DLGAP2: variants seen among roughly 807,000 people sequenced by gnomAD.
The protein encoded by DLGAP2 is DLG associated protein 2, also known as disks large-associated protein 2.
DLGAP2 carries 26 observed loss-of-function variants against 100.3 expected under a neutral mutation model. That is an observed-to-expected ratio of 0.26 (90% CI 0.19 to 0.36). The LOEUF (loss-of-function observed/expected upper bound fraction) is 0.36, where lower values mean the gene tolerates loss of function less well. Among genes scored for constraint, DLGAP2 ranks in the 10% least tolerant of loss-of-function variants. The pLI is 1.00. For synonymous variants in DLGAP2, 886 were observed against 630.1 expected, an observed-to-expected ratio of 1.41 and a Z score of -6.08; for missense variants, 1,858 against 1,453.2, an observed-to-expected ratio of 1.28 and a Z score of -4.53.
intron 3 of DLGAP2, among the ~76,000 whole-genome samples, chr8:1,407,092 C>G (rs1304018614): frequency 4.2e-5 from 1 of 24,068 alleles, no homozygotes; most frequent in Non-Finnish European, 6.9e-5. Context: ...ACTGAGCGCT[C>G]CCTCCTTGTC....
At chr8:1,123,376 T>C (rs1796093521) in intron 2 of DLGAP2, among the ~76,000 whole-genome samples, 1 of 152,188 alleles carries the variant, frequency 6.6e-6, no homozygotes, top group African/African-American at 2.4e-5. Flanking sequence ...ACCTGAGGCT[T>C]AGTAGGTACA....
chr8:1,280,216 C>T (rs1373715407), intron 3 of DLGAP2, among the ~76,000 whole-genome samples: 2 of 152,116 alleles, frequency 1.3e-5, no homozygotes, highest in African/African-American at 2.4e-5. Flanking sequence ...TCTTCATCAG[C>T]CAATTTGATT....
intron 4 of DLGAP2, among the ~76,000 whole-genome samples, chr8:1,508,935 G>C (rs949208037): frequency 1.3e-5 from 2 of 152,090 alleles, no homozygotes; most frequent in African/African-American, 4.8e-5. Flanking sequence ...GTTCTTTAGA[G>C]CACTGAGTTT....
At chr8:881,996 C>T (rs982754927) in intron 1 of DLGAP2, among the ~76,000 whole-genome samples, 1 of 152,122 alleles carries the variant, frequency 6.6e-6, no homozygotes, top group Admixed American at 6.6e-5. Context: ...TATATTCCAC[C>T]TTTCCAGAGG....
chr8:1,547,170 G>C (rs1801570795), intron 4 of DLGAP2, among the ~76,000 whole-genome samples: 2 of 152,290 alleles, frequency 1.3e-5, no homozygotes, highest in African/African-American at 2.4e-5. Context: ...GCGGACCGTG[G>C]GGCAGAGGGA....
chr8:1,093,704 A>G (rs1288136674), intron 2 of DLGAP2, among the ~76,000 whole-genome samples: 2 of 151,346 alleles, frequency 1.3e-5, no homozygotes, highest in East Asian at 2.0e-4. Context: ...ACTTCACACC[A>G]ACAGCCAGAA....
At chr8:1,255,177 C>T (rs1470177604) in intron 2 of DLGAP2, among the ~76,000 whole-genome samples, 1 of 94,008 alleles carries the variant, frequency 1.1e-5, no homozygotes, top group African/African-American at 5.2e-5. Flanking sequence ...GTGTGTGTGC[C>T]CTCTCATCCT....
chr8:1,221,601 C>T (rs541715648), intron 2 of DLGAP2, among the ~76,000 whole-genome samples: 1 of 152,198 alleles, frequency 6.6e-6, no homozygotes, highest in South Asian at 2.1e-4. Flanking sequence ...TATATTATCT[C>T]TCAGGGGTTC....
At chr8:908,579 T>TA (rs1480419952) in intron 2 of DLGAP2, among the ~76,000 whole-genome samples, 3 of 152,032 alleles carry the variant, frequency 2.0e-5, no homozygotes, top group African/African-American at 7.2e-5. Context: ...AAAGAAGGTC[T>TA]AAAAAAAACT....
At chr8:1,121,882 G>A (rs981386406) in intron 2 of DLGAP2, among the ~76,000 whole-genome samples, 5 of 152,162 alleles carry the variant, frequency 3.3e-5, no homozygotes, top group Non-Finnish European at 5.9e-5. Flanking sequence ...TGTTCCTTTA[G>A]CATCCATGAG....
chr8:1,186,280 CT>C (rs1563239044), intron 2 of DLGAP2, among the ~76,000 whole-genome samples: 1 of 152,246 alleles, frequency 6.6e-6, no homozygotes. Flanking sequence ...ATCTGCGAAC[CT>C]TGGGGGCAGA....
intron 3 of DLGAP2, among the ~76,000 whole-genome samples, chr8:1,306,213 C>T (rs1040165255): frequency 6.6e-5 from 10 of 152,032 alleles, no homozygotes; most frequent in African/African-American, 2.4e-4. Flanking sequence ...CACACACCTA[C>T]ACAAGGGTAT....
At chr8:1,214,213 TC>T (rs1365283706) in intron 2 of DLGAP2, among the ~76,000 whole-genome samples, 1 of 152,126 alleles carries the variant, frequency 6.6e-6, no homozygotes, top group African/African-American at 2.4e-5. Context: ...TCTTCAAGTC[TC>T]ATTTTAAATG....
At chr8:1,228,231 A>G (rs931168089) in intron 2 of DLGAP2, among the ~76,000 whole-genome samples, 6 of 152,168 alleles carry the variant, frequency 3.9e-5, no homozygotes, top group African/African-American at 1.2e-4. Flanking sequence ...GTATAATAAA[A>G]TAAAAATAAA....
At chr8:1,126,451 G>A (rs1053080053) in intron 2 of DLGAP2, among the ~76,000 whole-genome samples, 8 of 151,674 alleles carry the variant, frequency 5.3e-5, no homozygotes, top group African/African-American at 1.9e-4. Flanking sequence ...GGAGAGAAGA[G>A]ACACAGGCAG....
At chr8:1,612,827 C>G (rs1388237306) in intron 6 of DLGAP2, among the ~76,000 whole-genome samples, 2 of 98,662 alleles carry the variant, frequency 2.0e-5, no homozygotes, top group Non-Finnish European at 4.0e-5. Flanking sequence ...AAATGCAAAT[C>G]AAAACCACTA....
At chr8:973,790 A>T (rs886349524) in intron 2 of DLGAP2, among the ~76,000 whole-genome samples, 14 of 151,840 alleles carry the variant, frequency 9.2e-5, no homozygotes, top group African/African-American at 3.1e-4. Context: ...GCGAATCCGG[A>T]GCGCGAATCC....
intron 2 of DLGAP2, among the ~76,000 whole-genome samples, chr8:1,159,244 T>A (rs1201874609): frequency 6.6e-6 from 1 of 152,258 alleles, no homozygotes; most frequent in Non-Finnish European, 1.5e-5. Context: ...GTTCCATCTA[T>A]GAAATCAAAT....
chr8:1,321,216 C>T lies in DLGAP2; in HGVS notation c.106+62333C>T, dbSNP rs185864193. Among the ~76,000 whole-genome samples, 10 of 150,218 alleles carry T rather than the reference C, an allele frequency of 6.7e-5. No individual in the cohort carries two copies. The East Asian group carries it at 2.0e-3, about 30-fold the overall frequency. On this transcript the variant is annotated intron_variant, in intron 3 of 14. Transcript: ENST00000637795. ...GTGCACGTGCATCCATGTGCCTCTG[C>T]ATGTGTGTGTGCATCTGTGTCTCTG...
Sources: gnomAD v4.1 joint callset for allele counts (sites outside exome capture counted in the v4.1 genomes callset) on GRCh38, gnomAD v4.1.1 for gene constraint, MANE v1.5 for transcripts, NCBI Gene and HGNC (gene_info 2026-07-23, HGNC 2026-07-21) for gene names.